Variants in ADIPOR2 observed in about 807,000 individuals in gnomAD.
ADIPOR2 encodes adiponectin receptor 2, also known as adiponectin receptor protein 2.
In ADIPOR2, 18 loss-of-function variants were observed where a neutral mutation model predicts 40.9. The ratio of observed to expected loss-of-function variants is 0.44; its 90% confidence interval spans 0.30 to 0.65. The LOEUF (loss-of-function observed/expected upper bound fraction) is 0.65. ADIPOR2 is among the 30% of genes least tolerant of loss of function. ADIPOR2 has a pLI of 0.09. For missense variants in ADIPOR2, 283 were observed against 479.2 expected, an observed-to-expected ratio of 0.59 and a Z score of 3.82; for synonymous variants, 165 against 166.4, an observed-to-expected ratio of 0.99 and a Z score of 0.06.
intron 3 of ADIPOR2, among the ~76,000 whole-genome samples, chr12:1,774,101 A>C (rs1225269296): frequency 6.6e-6 from 1 of 152,222 alleles, no homozygotes; most frequent in African/African-American, 2.4e-5. Context: ...GCACAAAGGG[A>C]TACAAAAGAT....
intron 1 of ADIPOR2, among the ~76,000 whole-genome samples, chr12:1,725,868 A>T (rs2094706938): frequency 6.6e-6 from 1 of 151,944 alleles, no homozygotes; most frequent in Non-Finnish European, 1.5e-5. Context: ...TTTTTCCCCT[A>T]GAGAATGTGA....
intron 1 of ADIPOR2, among the ~76,000 whole-genome samples, chr12:1,718,343 C>A (rs1437370687): frequency 1.3e-5 from 2 of 152,016 alleles, no homozygotes; most frequent in Non-Finnish European, 2.9e-5. Flanking sequence ...AAGCAGAGAT[C>A]CTAAAACTTA....
chr12:1,746,967 T>C (rs1255503117), intron 1 of ADIPOR2, among the ~76,000 whole-genome samples: 1 of 152,032 alleles, frequency 6.6e-6, no homozygotes, highest in Non-Finnish European at 1.5e-5. Context: ...CCCAGGAGTT[T>C]GAGGTTGCAA....
intron 4 of ADIPOR2, 34 bp from the exon 5 acceptor site, chr12:1,780,417 A>AT: frequency 6.5e-7 from 1 of 1,548,354 alleles, no homozygotes; most frequent in Non-Finnish European, 8.7e-7. Context: ...CTAAAGGGTG[A>AT]TATTTTATCT....
chr12:1,715,908 A>G (rs1043433420), intron 1 of ADIPOR2, among the ~76,000 whole-genome samples: 1 of 152,140 alleles, frequency 6.6e-6, no homozygotes, highest in Non-Finnish European at 1.5e-5. Flanking sequence ...TCAGCAGGAC[A>G]TGGAGGGGGA....
At chr12:1,705,370 C>T (rs1212281626) in intron 1 of ADIPOR2, among the ~76,000 whole-genome samples, 2 of 152,112 alleles carry the variant, frequency 1.3e-5, no homozygotes, top group East Asian at 3.8e-4. Flanking sequence ...TTTTTATGTA[C>T]AGATTGAGCA....
intron 1 of ADIPOR2, among the ~76,000 whole-genome samples, chr12:1,723,882 T>C (rs1487193262): frequency 2.0e-5 from 3 of 152,196 alleles, no homozygotes; most frequent in East Asian, 3.9e-4. Context: ...TCTACACCCA[T>C]GCTCATAGCA....
intron 2 of ADIPOR2, chr12:1,757,520 C>T: frequency 1.3e-6 from 1 of 795,776 alleles, no homozygotes; most frequent in Non-Finnish European, 2.3e-6. Context: ...AATTGGTAAT[C>T]TTGCCAATCT....
chr12:1,747,824 C>T (rs547923488), intron 1 of ADIPOR2, among the ~76,000 whole-genome samples: 7 of 152,064 alleles, frequency 4.6e-5, no homozygotes, highest in South Asian at 2.1e-4. Flanking sequence ...AATAATGAGT[C>T]GTTTGGTTCT....
intron 6 of ADIPOR2, among the ~76,000 whole-genome samples, chr12:1,782,204 T>C (rs183264517): frequency 4.9e-4 from 74 of 152,362 alleles, no homozygotes; most frequent in African/African-American, 1.7e-3. Flanking sequence ...GCTTGGTTCT[T>C]ACCTGTTGTG....
At chr12:1,708,552 A>T (rs912784964) in intron 1 of ADIPOR2, among the ~76,000 whole-genome samples, 1 of 152,134 alleles carries the variant, frequency 6.6e-6, no homozygotes, top group East Asian at 1.9e-4. Flanking sequence ...TTTGTGTAGG[A>T]TGTGAGGTAA....
chr12:1,719,870 T>C (rs371023067), intron 1 of ADIPOR2, among the ~76,000 whole-genome samples: 67 of 151,848 alleles, frequency 4.4e-4, no homozygotes, highest in African/African-American at 1.2e-3. Flanking sequence ...AGAGATGGGG[T>C]TTTACCATGT....
chr12:1,701,207 G>A (rs1182966525), intron 1 of ADIPOR2, among the ~76,000 whole-genome samples: 1 of 145,118 alleles, frequency 6.9e-6, no homozygotes, highest in Non-Finnish European at 1.5e-5. Context: ...ATGGCTCACT[G>A]CAGCCCATCT....
At chr12:1,748,978 G>A (rs779568695) in intron 1 of ADIPOR2, among the ~76,000 whole-genome samples, 16 of 152,038 alleles carry the variant, frequency 1.1e-4, no homozygotes, top group Non-Finnish European at 1.8e-4. Flanking sequence ...GTCATAAGTC[G>A]GGGCCTCCAG....
intron 2 of ADIPOR2, among the ~76,000 whole-genome samples, chr12:1,768,925 A>C (rs1862440696): frequency 6.6e-6 from 1 of 152,182 alleles, no homozygotes; most frequent in Non-Finnish European, 1.5e-5. Flanking sequence ...TGGAGAATTA[A>C]GTTTTATGCC....
chr12:1,762,566 G>A (rs1199307833), intron 2 of ADIPOR2, among the ~76,000 whole-genome samples: 2 of 152,164 alleles, frequency 1.3e-5, no homozygotes, highest in African/African-American at 4.8e-5. Flanking sequence ...ACGTGGGGAC[G>A]TATACTATTT....
intron 1 of ADIPOR2, among the ~76,000 whole-genome samples, chr12:1,700,144 G>A (rs1005483271): frequency 4.6e-5 from 7 of 152,164 alleles, no homozygotes; most frequent in African/African-American, 1.4e-4. Context: ...TTTCCACAAT[G>A]TCTGTGTACT....
intron 1 of ADIPOR2, among the ~76,000 whole-genome samples, chr12:1,729,506 T>C (rs180686881): frequency 3.3e-5 from 5 of 151,342 alleles, no homozygotes; most frequent in Admixed American, 3.3e-4. Flanking sequence ...AGAAACAGGG[T>C]CTTACTCTAT....
At chr12:1,746,873 TAAA>T (rs2094756184) in intron 1 of ADIPOR2, among the ~76,000 whole-genome samples, 1 of 151,938 alleles carries the variant, frequency 6.6e-6, no homozygotes, top group African/African-American at 2.4e-5. Flanking sequence ...TACTAAAAAT[TAAA>T]AAATTAGCTG....
Sources: allele counts gnomAD v4.1 joint callset (sites outside exome capture counted in the v4.1 genomes callset), GRCh38; gene constraint gnomAD v4.1.1; transcripts MANE v1.5; gene names NCBI Gene and HGNC (gene_info 2026-07-23, HGNC 2026-07-21).